Variants in CCSER1 observed in about 807,000 individuals in gnomAD.
CCSER1 encodes serine-rich coiled-coil domain-containing protein 1.
In CCSER1, 41 loss-of-function variants were observed where a neutral mutation model predicts 82.0. The ratio of observed to expected loss-of-function variants is 0.50; its 90% confidence interval spans 0.39 to 0.65. CCSER1 has a LOEUF of 0.65. Among genes scored for constraint, CCSER1 ranks in the 30% least tolerant of loss-of-function variants. The pLI is 0.00. For synonymous variants in CCSER1, 414 were observed against 383.9 expected (o/e 1.08, Z -0.92); for missense variants, 1,119 against 1,064.2 (o/e 1.05, Z -0.72).
At chr4:90,856,343 T>G (rs1340798053) in intron 8 of CCSER1, among the ~76,000 whole-genome samples, 1 of 152,176 alleles carries the variant, frequency 6.6e-6, no homozygotes, top group Non-Finnish European at 1.5e-5. Flanking sequence ...AGATAATATA[T>G]AGAAAGTAAC....
intron 10 of CCSER1, among the ~76,000 whole-genome samples, chr4:91,453,249 T>C (rs1755967250): frequency 6.6e-6 from 1 of 152,048 alleles, no homozygotes. Context: ...GTGAAATTAG[T>C]GTTCTGCAAA....
intron 10 of CCSER1, among the ~76,000 whole-genome samples, chr4:91,147,604 G>A (rs145922738): frequency 1.3e-5 from 2 of 152,282 alleles, no homozygotes; most frequent in African/African-American, 2.4e-5. Context: ...GAATTCCCTC[G>A]GGGTTGGAGC....
intron 10 of CCSER1, among the ~76,000 whole-genome samples, chr4:91,264,080 T>G (rs2149170182): frequency 6.6e-6 from 1 of 152,078 alleles, no homozygotes; most frequent in South Asian, 2.1e-4. Context: ...ATATGTGTTC[T>G]GCTGACTTTT....
chr4:91,213,755 GTCAAGAAAC>G (rs1374288615), intron 10 of CCSER1, among the ~76,000 whole-genome samples: 6 of 152,130 alleles, frequency 3.9e-5, no homozygotes, highest in Admixed American at 2.6e-4. Flanking sequence ...CTTTAATAAA[GTCAAGAAAC>G]TCAAGTTTCT....
chr4:90,922,681 G>A (rs1200838529), intron 8 of CCSER1, among the ~76,000 whole-genome samples: 1 of 151,962 alleles, frequency 6.6e-6, no homozygotes, highest in Non-Finnish European at 1.5e-5. Flanking sequence ...AGCTGTGAGA[G>A]GCATTTAGTA....
At chr4:90,168,139 G>T (rs1730884114) in intron 1 of CCSER1, among the ~76,000 whole-genome samples, 1 of 152,132 alleles carries the variant, frequency 6.6e-6, no homozygotes, top group Non-Finnish European at 1.5e-5. Flanking sequence ...AGCACCTGTT[G>T]TTTCCTGACT....
rs142785224 is a variant in CCSER1 at position 90,801,505 on chromosome 4, T to G, written c.2011-14257T>G. Among the ~76,000 whole-genome samples, 71 of 152,258 alleles carry G rather than the reference T, an allele frequency of 4.7e-4. 1 individual carries two copies. In the East Asian group the frequency reaches 0.012, roughly 25 times the overall value. On this transcript the variant is annotated intron_variant, in intron 7 of 10. Transcript: ENST00000509176. ...GAGTACCATTCATTGTCAAAAAGAT[T>G]ATGCTGATATCCAAACATTCTTCCT...
intron 5 of CCSER1, among the ~76,000 whole-genome samples, chr4:90,609,811 A>C (rs1785212611): frequency 6.6e-6 from 1 of 152,244 alleles, no homozygotes; most frequent in Non-Finnish European, 1.5e-5. Context: ...TTTAGTAATC[A>C]GTGGCATATT....
chr4:90,323,985 C>G (rs899627916), intron 3 of CCSER1, among the ~76,000 whole-genome samples: 2 of 152,162 alleles, frequency 1.3e-5, no homozygotes, highest in Non-Finnish European at 2.9e-5. Flanking sequence ...CATGTCCCTA[C>G]AAAGGACATG....
At chr4:90,313,770 T>C (rs895961003) in intron 3 of CCSER1, among the ~76,000 whole-genome samples, 8 of 152,186 alleles carry the variant, frequency 5.3e-5, no homozygotes, top group Non-Finnish European at 1.0e-4. Flanking sequence ...CTTGGGTCCA[T>C]GTGGCCTCAG....
At chr4:90,801,701 A>T (rs1258084660) in intron 7 of CCSER1, among the ~76,000 whole-genome samples, 1 of 152,228 alleles carries the variant, frequency 6.6e-6, no homozygotes, top group Non-Finnish European at 1.5e-5. Flanking sequence ...TACTAAATTA[A>T]TAAATGCCAT....
At chr4:90,166,316 T>C (rs571353347) in intron 1 of CCSER1, among the ~76,000 whole-genome samples, 1 of 152,112 alleles carries the variant, frequency 6.6e-6, no homozygotes, top group African/African-American at 2.4e-5. Context: ...TATTTTCAAC[T>C]TAATGGTGAG....
chr4:90,345,068 A>C (rs1467782300), intron 3 of CCSER1, among the ~76,000 whole-genome samples: 1 of 152,144 alleles, frequency 6.6e-6, no homozygotes, highest in African/African-American at 2.4e-5. Flanking sequence ...TGCTCTTTCC[A>C]TTAAAAGAGT....
Position 91,011,408 on chromosome 4 carries a change from G to A in CCSER1, c.2173-74542G>A, listed in dbSNP as rs1581330701. 1.5e-5 allele frequency among the ~76,000 whole-genome samples: 2 copies of A among 134,392 alleles called. 1 individual carries two copies. The highest frequency in any genetic ancestry group is 4.8e-4 in the East Asian group (2 of 4,152). The allele number at this position is 134,392 out of a possible 152,430, so 88.2% of individuals were successfully genotyped here. Reference sequence around the variant, plus strand: ...GGCCTACAATCTGTAGCAGTGCTGGGTTCCAGAATGCAGGTGCTCAGAACA... The same window carrying A: ...GGCCTACAATCTGTAGCAGTGCTGGATTCCAGAATGCAGGTGCTCAGAACA... On this transcript the variant is annotated intron_variant, in intron 9 of 10. Coordinates refer to ENST00000509176, the MANE Select transcript of CCSER1 (RefSeq NM_001145065.2).
intron 10 of CCSER1, among the ~76,000 whole-genome samples, chr4:91,450,121 T>G (rs966490852): frequency 6.6e-6 from 1 of 152,060 alleles, no homozygotes; most frequent in Non-Finnish European, 1.5e-5. Flanking sequence ...GGAGATTTGT[T>G]TTTATACAGG....
At chr4:90,445,735 T>C (rs1578500509) in intron 4 of CCSER1, among the ~76,000 whole-genome samples, 2 of 152,248 alleles carry the variant, frequency 1.3e-5, no homozygotes, top group East Asian at 3.9e-4. Flanking sequence ...TTGTTTTTGT[T>C]CTCTTCTTCC....
At chr4:91,362,499 T>C (rs1448071466) in intron 10 of CCSER1, among the ~76,000 whole-genome samples, 1 of 151,882 alleles carries the variant, frequency 6.6e-6, no homozygotes, top group Non-Finnish European at 1.5e-5. Context: ...GAAAGAAACA[T>C]ATTTTATTTA....
At chr4:90,444,268 C>T (rs918117468) in intron 4 of CCSER1, among the ~76,000 whole-genome samples, 1 of 151,984 alleles carries the variant, frequency 6.6e-6, no homozygotes, top group Non-Finnish European at 1.5e-5. Context: ...AGAGAGCATT[C>T]TTCATGCTTT....
intron 10 of CCSER1, among the ~76,000 whole-genome samples, chr4:91,157,833 C>G (rs1730966167): frequency 6.6e-6 from 1 of 151,978 alleles, no homozygotes; most frequent in African/African-American, 2.4e-5. Context: ...TTTTGATTGT[C>G]CATGCTCCTT....
Sources: allele counts gnomAD v4.1 joint callset (sites outside exome capture counted in the v4.1 genomes callset), GRCh38; gene constraint gnomAD v4.1.1; transcripts MANE v1.5; gene names NCBI Gene and HGNC (gene_info 2026-07-23, HGNC 2026-07-21).